NFAT5: variants seen among roughly 807,000 people sequenced by gnomAD.
NFAT5 encodes nuclear factor of activated T cells 5, also known as nuclear factor of activated T-cells 5.
In NFAT5, 31 loss-of-function variants were observed where a neutral mutation model predicts 166.5. The observed-to-expected ratio is 0.19, with a 90% confidence interval of 0.14 to 0.25. The LOEUF (loss-of-function observed/expected upper bound fraction) is 0.25, where lower values mean the gene tolerates loss of function less well. NFAT5 is among the 10% of genes least tolerant of loss of function. The pLI is 1.00. For missense variants in NFAT5, 1,449 were observed against 1,821.8 expected (o/e 0.80, Z 3.72); for synonymous variants, 612 against 639.7 (o/e 0.96, Z 0.65).
At chr16:69,587,739 GAAT>G (rs969658591) in intron 2 of NFAT5, among the ~76,000 whole-genome samples, 2 of 152,002 alleles carry the variant, frequency 1.3e-5, no homozygotes, top group African/African-American at 4.8e-5. Context: ...CTATTTGAAA[GAAT>G]AATATTAGAT....
At chr16:69,584,951 G>A (rs978209717) in intron 2 of NFAT5, among the ~76,000 whole-genome samples, 3 of 151,790 alleles carry the variant, frequency 2.0e-5, no homozygotes, top group African/African-American at 7.3e-5. Context: ...TGTATTGGAA[G>A]GGTTTAAACA....
chr16:69,649,006 G>A (rs2035563889), intron 4 of NFAT5: 2 of 961,014 alleles, frequency 2.1e-6, no homozygotes, highest in Non-Finnish European at 2.5e-6. Flanking sequence ...ATATTTAAAT[G>A]CTTTTCAGTT....
chr16:69,581,483 T>TGGTA lies in NFAT5; in HGVS notation c.127+12936_127+12939dup, dbSNP rs1404847545. On this transcript the variant is annotated intron_variant, in intron 2 of 14. Transcript: ENST00000349945. ...ATAGGAGTGGAATTATTGGGTCATA[T>TGGTA]GGTAACTCTATATTTAACTTTCTAA... 7.2e-5 allele frequency among the ~76,000 whole-genome samples: 11 copies of TGGTA among 152,202 alleles called. 1 individual carries two copies. The highest frequency in any genetic ancestry group is 2.7e-4 in the African/African-American group (11 of 41,456).
chr16:69,641,699 A>G (rs183593624), intron 3 of NFAT5, among the ~76,000 whole-genome samples: 2 of 152,336 alleles, frequency 1.3e-5, no homozygotes, highest in African/African-American at 4.8e-5. Flanking sequence ...AGTTAAAATA[A>G]TTTCTAGTTG....
At chr16:69,649,144 G>C in intron 4 of NFAT5, 13 of 906,002 alleles carry the variant, frequency 1.4e-5, no homozygotes, top group Non-Finnish European at 1.7e-5. Context: ...ATAAAATAAG[G>C]CTCTGAAATG....
chr16:69,649,136 A>T (rs1421824621), intron 4 of NFAT5: 6 of 893,416 alleles, frequency 6.7e-6, no homozygotes, highest in South Asian at 5.2e-5. Context: ...TATTACTTAT[A>T]AAATAAGGCT....
At chr16:69,671,412 C>T (rs924067748) in intron 9 of NFAT5, among the ~76,000 whole-genome samples, 2 of 152,220 alleles carry the variant, frequency 1.3e-5, no homozygotes, top group Non-Finnish European at 2.9e-5. Context: ...TGCTCTGTCG[C>T]CAGGCTGGCA....
chr16:69,670,880 T>TA (rs1429604982), intron 9 of NFAT5, among the ~76,000 whole-genome samples: 2 of 152,134 alleles, frequency 1.3e-5, no homozygotes, highest in African/African-American at 4.8e-5. Flanking sequence ...GAAGAGGTAG[T>TA]ATGTACAGGT....
chr16:69,591,333 G>A (rs1264423295), intron 2 of NFAT5, among the ~76,000 whole-genome samples: 1 of 146,662 alleles, frequency 6.8e-6, no homozygotes, highest in Non-Finnish European at 1.5e-5. Flanking sequence ...TGAAGATGAA[G>A]TGGAAAGCTT....
At chr16:69,592,186 T>C (rs893528062) in intron 2 of NFAT5, among the ~76,000 whole-genome samples, 2 of 151,394 alleles carry the variant, frequency 1.3e-5, no homozygotes, top group African/African-American at 4.8e-5. Flanking sequence ...TTCAAGCAAT[T>C]TTCCTGCCTC....
At chr16:69,659,300 G>A (rs190028358) in intron 6 of NFAT5, among the ~76,000 whole-genome samples, 2 of 151,848 alleles carry the variant, frequency 1.3e-5, no homozygotes, top group Non-Finnish European at 2.9e-5. Context: ...AAAATAGTTG[G>A]GCATGGTGGC....
At chr16:69,605,101 G>T (rs1458028631) in intron 2 of NFAT5, among the ~76,000 whole-genome samples, 1 of 152,004 alleles carries the variant, frequency 6.6e-6, no homozygotes, top group Non-Finnish European at 1.5e-5. Context: ...AAAGGAAAAT[G>T]GCCTTTATTG....
intron 3 of NFAT5, among the ~76,000 whole-genome samples, chr16:69,635,690 C>G (rs1404539176): frequency 2.6e-5 from 4 of 152,164 alleles, no homozygotes; most frequent in Non-Finnish European, 5.9e-5. Context: ...GAAGCAAAAG[C>G]AGAAACCCCT....
chr16:69,662,967 A>G (rs185554158), intron 7 of NFAT5, among the ~76,000 whole-genome samples: 86 of 152,308 alleles, frequency 5.6e-4, no homozygotes, highest in African/African-American at 1.9e-3. Flanking sequence ...TTGTTCCATT[A>G]TAAGTTTCTG....
chr16:69,632,091 A>G (rs2034744005), intron 3 of NFAT5: 1 of 152,194 alleles, frequency 6.6e-6, no homozygotes, highest in African/African-American at 2.4e-5. Flanking sequence ...TTAATGTCCT[A>G]TAATCAAATA....
At chr16:69,605,807 G>A (rs1478185795) in intron 2 of NFAT5, among the ~76,000 whole-genome samples, 1 of 151,752 alleles carries the variant, frequency 6.6e-6, no homozygotes, top group East Asian at 1.9e-4. Context: ...TCCGCTTCCC[G>A]GGTTCACGCC....
chr16:69,680,249 G>A (rs1295127627), intron 10 of NFAT5, among the ~76,000 whole-genome samples: 1 of 152,202 alleles, frequency 6.6e-6, no homozygotes, highest in Non-Finnish European at 1.5e-5. Flanking sequence ...TAATACATAG[G>A]ATTTGTTTCC....
At position 69,659,709 on chromosome 16, in the gene NFAT5, A is replaced by ATTTT. The variant is rs746550082; in HGVS notation, c.1197-13_1197-10dup. ...TATACAACAAAATGTCCCTTTATAT[A>ATTTT]TTTTTTTTCTGTATTAGGGTGGACT... On this transcript the variant is annotated splice_polypyrimidine_tract_variant and intron_variant, in intron 6 of 14. Coordinates refer to ENST00000349945, the MANE Select transcript of NFAT5 (RefSeq NM_138713.4). The ATTTT allele has an allele frequency of 3.9e-5, 59 of 1,520,070 alleles. No homozygotes were observed. Among genetic ancestry groups the ATTTT allele is most frequent in the Non-Finnish European group, 5.2e-5 (59 of 1,128,998 alleles). 94.2% of individuals were successfully genotyped at this position (1,520,070 alleles called of 1,614,324 possible). A position where few individuals can be genotyped will look rare whatever the true frequency, so the allele number is the denominator to read the frequency against.
chr16:69,591,351 T>A (rs1023988683), intron 2 of NFAT5, among the ~76,000 whole-genome samples: 13 of 151,244 alleles, frequency 8.6e-5, no homozygotes, highest in African/African-American at 2.7e-4. Flanking sequence ...CTTTAGATAG[T>A]TGGTTTTTCA....
Sources: gnomAD v4.1 joint callset for allele counts (sites outside exome capture counted in the v4.1 genomes callset) on GRCh38, gnomAD v4.1.1 for gene constraint, MANE v1.5 for transcripts, NCBI Gene and HGNC (gene_info 2026-07-23, HGNC 2026-07-21) for gene names.